The following DAB1 variants were observed in gnomAD, a reference collection of about 807,000 sequenced individuals.
DAB1 encodes DAB adaptor protein 1, also known as disabled homolog 1.
In DAB1, 15 loss-of-function variants were observed where a neutral mutation model predicts 64.6. The observed-to-expected ratio is 0.23, with a 90% CI of 0.16 to 0.36. DAB1 has a LOEUF of 0.36. Ranked by LOEUF, DAB1 falls within the 10% of genes least tolerant of loss-of-function variation. The pLI, the probability that DAB1 is intolerant of heterozygous loss-of-function variation, is 1.00. For missense variants in DAB1, 596 were observed against 706.7 expected (o/e 0.84, Z 1.78); for synonymous variants, 235 against 251.9 (o/e 0.93, Z 0.64).
At chr1:57,121,378 T>C (rs1022897308) in intron 4 of DAB1, among the ~76,000 whole-genome samples, 1 of 151,860 alleles carries the variant, frequency 6.6e-6, no homozygotes, top group African/African-American at 2.4e-5. Flanking sequence ...ACCCTTCTGC[T>C]TGTCACTATG....
rs552344701 is a variant in DAB1, at chr1:57,748,012, T to C, written n.552-98347A>G. On this transcript the variant is annotated intron_variant and non_coding_transcript_variant, in intron 6 of 20. Transcript: ENST00000485760. ...TGGTCTAGAGTCTTGATCATTATTG[T>C]TGACTCAACAAAAATCTATCACATG... 3.3e-5 allele frequency among the ~76,000 whole-genome samples: 5 copies of C among 152,158 alleles called. No individual in the cohort carries two copies. In the South Asian group the frequency reaches 1.0e-3, roughly 32 times the overall value.
At chr1:57,358,891 TG>T (rs1341292428) in intron 1 of DAB1, among the ~76,000 whole-genome samples, 1 of 152,036 alleles carries the variant, frequency 6.6e-6, no homozygotes, top group East Asian at 1.9e-4. Context: ...TAAATGGTGT[TG>T]GGAAAACTGG....
At chr1:57,628,807 T>A (rs1645953580) in intron 7 of DAB1, among the ~76,000 whole-genome samples, 1 of 152,236 alleles carries the variant, frequency 6.6e-6, no homozygotes, top group African/African-American at 2.4e-5. Flanking sequence ...ATTAGTTTGA[T>A]AAAGTTTTAC....
At chr1:58,323,997 A>T (rs975163122) in intron 4 of DAB1, among the ~76,000 whole-genome samples, 18 of 152,114 alleles carry the variant, frequency 1.2e-4, no homozygotes, top group Non-Finnish European at 2.5e-4. Flanking sequence ...ATTAAAAACA[A>T]GGAAAAAGAG....
intron 7 of DAB1, among the ~76,000 whole-genome samples, chr1:57,431,301 A>G (rs1685507247): frequency 6.6e-6 from 1 of 152,232 alleles, no homozygotes; most frequent in Admixed American, 6.5e-5. Context: ...TGAAATTTAG[A>G]GTGAAAACAA....
intron 9 of DAB1, among the ~76,000 whole-genome samples, chr1:57,034,359 C>T (rs994722761): frequency 1.3e-5 from 2 of 151,878 alleles, no homozygotes; most frequent in Non-Finnish European, 2.9e-5. Flanking sequence ...TCCCAAAAGC[C>T]ACCTCCTCCA....
chr1:57,613,329 G>A (rs1053613093), intron 7 of DAB1, among the ~76,000 whole-genome samples: 1 of 152,130 alleles, frequency 6.6e-6, no homozygotes, highest in South Asian at 2.1e-4. Context: ...CTCATGATCT[G>A]AAAACACCTA....
chr1:57,054,654 A>C (rs947171149), intron 9 of DAB1, among the ~76,000 whole-genome samples: 1 of 151,522 alleles, frequency 6.6e-6, no homozygotes, highest in Non-Finnish European at 1.5e-5. Flanking sequence ...ATTTTTTTGT[A>C]TTTTTAGTAG....
At chr1:57,439,131 C>T (rs1458146896) in intron 7 of DAB1, among the ~76,000 whole-genome samples, 1 of 152,070 alleles carries the variant, frequency 6.6e-6, no homozygotes, top group Non-Finnish European at 1.5e-5. Flanking sequence ...GTGAAAATGC[C>T]CTCTTTGCCA....
chr1:57,694,023 A>C (rs1646795196), intron 6 of DAB1, among the ~76,000 whole-genome samples: 1 of 152,120 alleles, frequency 6.6e-6, no homozygotes, highest in Non-Finnish European at 1.5e-5. Flanking sequence ...TTACTCAAAA[A>C]TTTTTGCCCA....
intron 1 of DAB1, among the ~76,000 whole-genome samples, chr1:57,394,232 C>G (rs759249548): frequency 1.2e-4 from 18 of 152,238 alleles, no homozygotes; most frequent in Non-Finnish European, 2.5e-4. Flanking sequence ...CGTTCCCCTT[C>G]TTCTATCAGA....
intron 3 of DAB1, among the ~76,000 whole-genome samples, chr1:58,357,368 C>T (rs1644121632): frequency 6.6e-6 from 1 of 152,000 alleles, no homozygotes; most frequent in South Asian, 2.1e-4. Flanking sequence ...CCATTTTTGG[C>T]TTAAGGAACA....
At chr1:57,030,634 G>A (rs1011605325) in intron 9 of DAB1, among the ~76,000 whole-genome samples, 2 of 152,194 alleles carry the variant, frequency 1.3e-5, no homozygotes, top group Non-Finnish European at 2.9e-5. Context: ...ATCAATTCCT[G>A]GCTATCTTGT....
intron 9 of DAB1, among the ~76,000 whole-genome samples, chr1:57,053,688 A>ATATTTTTTTT (rs1447741565): frequency 4.2e-5 from 3 of 71,426 alleles, no homozygotes; most frequent in African/African-American, 5.5e-5. Context: ...ATATATATAT[A>ATATTTTTTTT]TTTTTTTTTT....
At chr1:58,152,578 C>A (rs1412073878) in intron 4 of DAB1, among the ~76,000 whole-genome samples, 1 of 152,152 alleles carries the variant, frequency 6.6e-6, no homozygotes, top group Non-Finnish European at 1.5e-5. Context: ...GAGAATGATG[C>A]CTGTCACACA....
intron 5 of DAB1, among the ~76,000 whole-genome samples, chr1:58,037,744 G>C (rs1360514692): frequency 1.3e-5 from 2 of 152,072 alleles, no homozygotes; most frequent in Non-Finnish European, 2.9e-5. Flanking sequence ...TACCTCTGTG[G>C]GGCTTTAGTT....
intron 5 of DAB1, among the ~76,000 whole-genome samples, chr1:58,042,276 T>C (rs998072953): frequency 6.6e-6 from 1 of 152,248 alleles, no homozygotes; most frequent in African/African-American, 2.4e-5. Flanking sequence ...AATCTTTTAA[T>C]GGTACCACAT....
intron 5 of DAB1, among the ~76,000 whole-genome samples, chr1:58,141,467 C>A (rs1393394704): frequency 1.3e-5 from 2 of 152,096 alleles, no homozygotes; most frequent in African/African-American, 4.8e-5. Context: ...ATTATAGAGG[C>A]TACAATTTAA....
intron 6 of DAB1, among the ~76,000 whole-genome samples, chr1:57,723,797 G>C (rs947634224): frequency 6.6e-6 from 1 of 152,136 alleles, no homozygotes; most frequent in East Asian, 1.9e-4. Context: ...TCAGGGTTCT[G>C]TTAGGAATGT....
Sources: gnomAD v4.1 joint callset for allele counts (sites outside exome capture counted in the v4.1 genomes callset) on GRCh38, gnomAD v4.1.1 for gene constraint, MANE v1.5 for transcripts, NCBI Gene and HGNC (gene_info 2026-07-23, HGNC 2026-07-21) for gene names.